The following EFCAB8 variants were observed in gnomAD, a reference collection of about 807,000 sequenced individuals.
EFCAB8 encodes EF-hand calcium binding domain 8.
Under a neutral mutation model 116.3 loss-of-function variants are expected in EFCAB8, and 100 were observed. The observed-to-expected ratio is 0.86, with a 90% CI of 0.73 to 1.02. The LOEUF is 1.02. EFCAB8 is among the 50% of genes least tolerant of loss of function. EFCAB8 has a pLI of 0.00. For synonymous variants in EFCAB8, 558 were observed against 567.9 expected, an observed-to-expected ratio of 0.98 and a Z score of 0.25; for missense variants, 1,320 against 1,416.9, an observed-to-expected ratio of 0.93 and a Z score of 1.10.
intron 22 of EFCAB8, among the ~76,000 whole-genome samples, chr20:32,934,013 C>CTTTT (rs112853872): frequency 7.1e-6 from 1 of 140,552 alleles, no homozygotes; most frequent in African/African-American, 2.6e-5. Context: ...AAATCAAAAA[C>CTTTT]TTTTTTTTTT....
At chr20:32,932,509 C>T (rs1246212333) in intron 22 of EFCAB8, among the ~76,000 whole-genome samples, 1 of 152,164 alleles carries the variant, frequency 6.6e-6, no homozygotes, top group East Asian at 1.9e-4. Flanking sequence ...TTCCTGTTCC[C>T]CCAAACAGTT....
chr20:32,904,375 A>G lies in EFCAB8; in HGVS notation c.1089-2187A>G, dbSNP rs535548556. Among the ~76,000 whole-genome samples the G allele has an allele frequency of 1.1e-3, 163 of 151,162 alleles. No individual in the cohort carries two copies. In the Middle Eastern group the frequency reaches 0.014, roughly 13 times the overall value. On this transcript the variant is annotated intron_variant, in intron 11 of 26. Transcript: ENST00000400522. ...GAGTGCAGTGGCATGATCACAGCTC[A>G]CTGCAGCCTCAACCTCCTGGGTTCT...
At chr20:32,923,927 T>A (rs1987566249) in intron 20 of EFCAB8, among the ~76,000 whole-genome samples, 1 of 152,228 alleles carries the variant, frequency 6.6e-6, no homozygotes, top group Admixed American at 6.5e-5. Context: ...TATTTCCAGA[T>A]ATAAAACTCT....
chr20:32,929,104 A>G (rs1330745223), intron 20 of EFCAB8, among the ~76,000 whole-genome samples: 1 of 151,798 alleles, frequency 6.6e-6, no homozygotes, highest in Admixed American at 6.6e-5. Context: ...TAATTTTTAA[A>G]TATCAGTGTT....
intron 1 of EFCAB8, 47 bp from the exon 2 acceptor site, chr20:32,863,736 G>A: frequency 2.6e-6 from 4 of 1,536,356 alleles, no homozygotes; most frequent in Non-Finnish European, 3.5e-6. Flanking sequence ...CTTCCACGTG[G>A]TCCTTACAAC....
At chr20:32,886,387 G>A (rs139371323) in intron 6 of EFCAB8, among the ~76,000 whole-genome samples, 104 of 152,274 alleles carry the variant, frequency 6.8e-4, no homozygotes, top group African/African-American at 2.3e-3. Context: ...CGCCAGGGCC[G>A]TCCAGAATCC....
chr20:32,895,733 G>A lies in EFCAB8; in HGVS notation c.884-721G>A, dbSNP rs576717015. Among the ~76,000 whole-genome samples the A allele has an allele frequency of 9.9e-5, 15 of 151,942 alleles. No individual in the cohort carries two copies. The East Asian group carries it at 1.4e-3, about 14-fold the overall frequency. On this transcript the variant is annotated intron_variant, in intron 9 of 26. Coordinates refer to ENST00000400522, the MANE Select transcript of EFCAB8 (RefSeq NM_001143967.2). ...ATTACAGGCACACACCACCATGCCC[G>A]GCTAATTTTTGTATTTTTGTAAAGA...
intron 9 of EFCAB8, among the ~76,000 whole-genome samples, chr20:32,896,168 G>A (rs2146217447): frequency 6.6e-6 from 1 of 152,280 alleles, no homozygotes; most frequent in Admixed American, 6.5e-5. Flanking sequence ...TGTTTAGATT[G>A]CAGCACCTAG....
chr20:32,913,702 G>A (rs1987048202), intron 17 of EFCAB8, among the ~76,000 whole-genome samples: 1 of 123,812 alleles, frequency 8.1e-6, no homozygotes, highest in Admixed American at 7.3e-5. Context: ...CTGTGAACCT[G>A]TGATGCTAAC....
chr20:32,961,248 TG>T lies in EFCAB8; in HGVS notation c.3508del (p.Ala1170ProfsTer52). The T allele has an allele frequency of 3.9e-6, 6 of 1,551,622 alleles. No individual in the cohort carries two copies. Among genetic ancestry groups the T allele is most frequent in the Non-Finnish European group, 4.4e-6 (5 of 1,146,836 alleles). ...PDQQDQHIRLVAHHVQKDLVP... is the reference protein window; with the variant it reads ...PDQQDQHIRLXAHHVQKDLVP... ...CAGCAAGACCAGCACATCCGCCTGG[TG>T]GCCCACCATGTCCAGAAGGACCTGG... is the stretch of plus-strand genomic sequence containing the variant. On this transcript the variant is annotated frameshift_variant, in exon 27 of 27. Coordinates refer to ENST00000400522, the MANE Select transcript of EFCAB8 (RefSeq NM_001143967.2). LOFTEE classifies it low-confidence loss of function (END_TRUNC).
At chr20:32,937,319 T>G (rs1279427303) in intron 22 of EFCAB8, among the ~76,000 whole-genome samples, 1 of 152,160 alleles carries the variant, frequency 6.6e-6, no homozygotes, top group Non-Finnish European at 1.5e-5. Context: ...TAAATAATAT[T>G]TCACCTTATG....
intron 23 of EFCAB8, among the ~76,000 whole-genome samples, chr20:32,954,396 A>G (rs1409380867): frequency 5.9e-5 from 9 of 152,122 alleles, no homozygotes; most frequent in Non-Finnish European, 8.8e-5. Context: ...ATCTTTCCCA[A>G]TTGAGTGGTC....
chr20:32,882,719 A>G (rs1364576846), intron 5 of EFCAB8, among the ~76,000 whole-genome samples: 2 of 151,838 alleles, frequency 1.3e-5, no homozygotes, highest in Non-Finnish European at 2.9e-5. Context: ...GTTTTGAGAC[A>G]GAGCCTTGCT....
rs1425422102 is a variant in EFCAB8 at position 32,935,188 on chromosome 20, C to CTTCTT, written c.2790+3854_2790+3855insCTTTT. 1.5e-3 allele frequency among the ~76,000 whole-genome samples: 98 copies of CTTCTT among 66,876 alleles called. 2 individuals carry two copies. Among genetic ancestry groups the CTTCTT allele is most frequent in the Non-Finnish European group, 2.2e-3 (83 of 37,358 alleles). The allele number at this position is 66,876 out of a possible 152,430, so 43.9% of individuals were successfully genotyped here. On this transcript the variant is annotated intron_variant, in intron 22 of 26. Coordinates refer to ENST00000400522, the MANE Select transcript of EFCAB8 (RefSeq NM_001143967.2). ...TCTCTTCTCTTTTCTTTCTTTCTTT[C>CTTCTT]TTTCTTTTTTTTTTTTTTTTTTTTT...
chr20:32,939,999 G>T (rs868815043), intron 22 of EFCAB8, among the ~76,000 whole-genome samples: 1 of 63,438 alleles, frequency 1.6e-5, no homozygotes, highest in Non-Finnish European at 3.6e-5. Flanking sequence ...CTGCCTGCCT[G>T]CCTGCCTCCC....
intron 26 of EFCAB8, among the ~76,000 whole-genome samples, chr20:32,960,759 G>T (rs1386559663): frequency 1.3e-5 from 2 of 152,222 alleles, no homozygotes; most frequent in African/African-American, 4.8e-5. Flanking sequence ...CCATGCCCCT[G>T]CAGGGCCCCC....
intron 23 of EFCAB8, among the ~76,000 whole-genome samples, chr20:32,945,794 T>G (rs1988578667): frequency 6.6e-6 from 1 of 152,188 alleles, no homozygotes; most frequent in Non-Finnish European, 1.5e-5. Context: ...CTCCCCAATC[T>G]TTTTTGTGGA....
intron 23 of EFCAB8, among the ~76,000 whole-genome samples, chr20:32,953,119 ATATT>A (rs1988848213): frequency 6.6e-6 from 1 of 152,204 alleles, no homozygotes; most frequent in Admixed American, 6.5e-5. Context: ...AATGCCCTCA[ATATT>A]TATTAATATT....
At chr20:32,911,397 A>AG in intron 15 of EFCAB8, 83 bp from the exon 16 acceptor site, 6 of 1,233,610 alleles carry the variant, frequency 4.9e-6, no homozygotes, top group Non-Finnish European at 5.4e-6. Context: ...GATGGAGGGG[A>AG]GGGGCCAAGG....
Sources: allele counts gnomAD v4.1 joint callset (sites outside exome capture counted in the v4.1 genomes callset), GRCh38; gene constraint gnomAD v4.1.1; transcripts MANE v1.5; gene names NCBI Gene and HGNC (gene_info 2026-07-23, HGNC 2026-07-21).